SLC1A1: variants seen among roughly 807,000 people sequenced by gnomAD.
SLC1A1 encodes the protein solute carrier family 1 member 1.
In SLC1A1, 43 loss-of-function variants were observed where a neutral mutation model predicts 53.3. That is an observed-to-expected ratio of 0.81 (90% CI 0.63 to 1.04). The LOEUF is 1.04. SLC1A1 is among the 50% of genes least tolerant of loss of function. SLC1A1 has a pLI of 0.00. For synonymous variants in SLC1A1, 307 were observed against 243.2 expected, an observed-to-expected ratio of 1.26 and a Z score of -2.44; for missense variants, 748 against 664.9, an observed-to-expected ratio of 1.12 and a Z score of -1.37.
chr9:4,561,334 G>T (rs1818917413), intron 2 of SLC1A1, 115 bp from the exon 3 acceptor site: 3 of 768,522 alleles, frequency 3.9e-6, no homozygotes, highest in South Asian at 2.7e-5. Flanking sequence ...ATTGCCCATT[G>T]TCTGTAGATG....
intron 1 of SLC1A1, among the ~76,000 whole-genome samples, chr9:4,502,594 A>C (rs1820674434): frequency 6.6e-6 from 1 of 151,474 alleles, no homozygotes; most frequent in South Asian, 2.1e-4. Context: ...TTCCCATTTT[A>C]CCAGATGAGG....
At chr9:4,561,265 G>A (rs900718631) in intron 2 of SLC1A1, among the ~76,000 whole-genome samples, 184 bp from the exon 3 acceptor site, 16 of 152,138 alleles carry the variant, frequency 1.1e-4, no homozygotes, top group African/African-American at 3.9e-4. Flanking sequence ...ACCTGACTGG[G>A]CTTCCCTCTC....
chr9:4,530,305 T>A (rs1816419225), intron 1 of SLC1A1, among the ~76,000 whole-genome samples: 1 of 152,146 alleles, frequency 6.6e-6, no homozygotes, highest in Admixed American at 6.5e-5. Context: ...AACCCTCCAA[T>A]ATGGACCACT....
chr9:4,529,347 T>C (rs1394758980), intron 1 of SLC1A1, among the ~76,000 whole-genome samples: 2 of 152,210 alleles, frequency 1.3e-5, no homozygotes, highest in Admixed American at 1.3e-4. Context: ...GCTGTTTAAA[T>C]GTGCCAAGAT....
At chr9:4,515,272 C>G (rs1586702910) in intron 1 of SLC1A1, among the ~76,000 whole-genome samples, 1 of 152,246 alleles carries the variant, frequency 6.6e-6, no homozygotes, top group Non-Finnish European at 1.5e-5. Flanking sequence ...ATCACGAAGG[C>G]CAACCCAGCT....
At chr9:4,559,196 C>T (rs75238224) in intron 2 of SLC1A1, among the ~76,000 whole-genome samples, 244 of 152,258 alleles carry the variant, frequency 1.6e-3, no homozygotes, top group African/African-American at 5.3e-3. Context: ...AAAAGAAAGA[C>T]TCTTCAACAC....
intron 1 of SLC1A1, among the ~76,000 whole-genome samples, chr9:4,513,455 A>G (rs10739063): frequency 0.68 from 103,762 of 152,046 alleles, 35,743 homozygotes; most frequent in African/African-American, 0.77. Flanking sequence ...ATGAAAAAAT[A>G]TTCAGCATCG....
At chr9:4,520,361 A>G (rs1816024446) in intron 1 of SLC1A1, among the ~76,000 whole-genome samples, 1 of 152,162 alleles carries the variant, frequency 6.6e-6, no homozygotes. Flanking sequence ...CCATCAAATT[A>G]TCAACCAATC....
rs959281067 is a variant in SLC1A1 at position 4,583,670 on chromosome 9, T to C, written c.1328+498T>C. On this transcript the variant is annotated intron_variant, in intron 11 of 11. Transcript: ENST00000262352. The surrounding 1 kb of genome is among the most constrained non-coding windows in gnomAD (Gnocchi z 4.6). Reference sequence around the variant, plus strand: ...CAAGTTTCCTTAACCTGAGGCCCAGTTGCATAATCTGTGAGATGGGAAAAA... The same window carrying C: ...CAAGTTTCCTTAACCTGAGGCCCAGCTGCATAATCTGTGAGATGGGAAAAA... Among the ~76,000 whole-genome samples, 1 of 152,176 alleles carries C rather than the reference T, an allele frequency of 6.6e-6. No individual in the cohort carries two copies. Among genetic ancestry groups the C allele is most frequent in the African/African-American group, 2.4e-5 (1 of 41,444 alleles).
intron 1 of SLC1A1, among the ~76,000 whole-genome samples, chr9:4,512,083 A>T (rs62545871): frequency 6.6e-6 from 1 of 152,024 alleles, no homozygotes; most frequent in East Asian, 1.9e-4. Context: ...ATGGAGAGAC[A>T]TAAGTTGTTC....
intron 1 of SLC1A1, among the ~76,000 whole-genome samples, chr9:4,522,254 A>T (rs111374561): frequency 2.6e-5 from 4 of 151,640 alleles, no homozygotes; most frequent in East Asian, 1.9e-4. Context: ...GGTTTCACTG[A>T]GTTAGCCAGG....
chr9:4,500,124 G>A (rs1189583941), intron 1 of SLC1A1, among the ~76,000 whole-genome samples: 3 of 152,170 alleles, frequency 2.0e-5, no homozygotes, highest in African/African-American at 7.2e-5. Flanking sequence ...TGGTGCCAGG[G>A]AAGCTGTGTT....
At position 4,559,899 on chromosome 9, in the gene SLC1A1, T is replaced by C. The variant is rs551746026; in HGVS notation, c.233-1550T>C. On this transcript the variant is annotated intron_variant, in intron 2 of 11. Transcript: ENST00000262352. Reference sequence around the variant, plus strand: ...CCAAGTCCAATTGGAGAACGGCTTTTGACTCCGTTTATATGAGCATCTTTG... The same window carrying C: ...CCAAGTCCAATTGGAGAACGGCTTTCGACTCCGTTTATATGAGCATCTTTG... 2.0e-5 allele frequency: 3 copies of C among 152,322 alleles called. No individual in the cohort carries two copies. The South Asian group carries it at 6.2e-4, about 32-fold the overall frequency. The allele number at this position is 152,322 out of a possible 1,614,324, so 9.4% of individuals were successfully genotyped here.
Position 4,558,145 on chromosome 9 carries a change from T to C in SLC1A1, c.233-3304T>C, listed in dbSNP as rs80073859. Among the ~76,000 whole-genome samples, 134 of 152,296 alleles carry C rather than the reference T, an allele frequency of 8.8e-4. 2 individuals carry two copies. The East Asian group carries it at 0.023, about 26-fold the overall frequency. ...AGACAGATATTTTATGGTCATTAAG[T>C]TCTGTAATGTTCCTATTTATAGAGG... On this transcript the variant is annotated intron_variant, in intron 2 of 11. Transcript: ENST00000262352.
chr9:4,508,376 G>C (rs1294099681), intron 1 of SLC1A1, among the ~76,000 whole-genome samples: 1 of 152,138 alleles, frequency 6.6e-6, no homozygotes, highest in Admixed American at 6.5e-5. Context: ...GAGACTGATA[G>C]ATTCACCCAC....
At position 4,556,693 on chromosome 9, in the gene SLC1A1, G is replaced by C. The variant is rs540242849; in HGVS notation, c.233-4756G>C. ...TAATGCCTGGATTCTCATTCTCACA[G>C]TCAACATTCATTGCGCTAGACCACA... is the stretch of plus-strand genomic sequence containing the variant. On this transcript the variant is annotated intron_variant, in intron 2 of 11. Coordinates refer to ENST00000262352, the MANE Select transcript of SLC1A1 (RefSeq NM_004170.6). The surrounding 1 kb of genome is among the most constrained non-coding windows in gnomAD (Gnocchi z 4.1). Among the ~76,000 whole-genome samples the C allele has an allele frequency of 4.8e-4, 73 of 152,294 alleles. No homozygotes were observed. The Middle Eastern group carries it at 0.017, about 35-fold the overall frequency.
intron 1 of SLC1A1, among the ~76,000 whole-genome samples, chr9:4,505,018 T>A (rs997248676): frequency 2.7e-5 from 4 of 149,176 alleles, no homozygotes; most frequent in Non-Finnish European, 4.5e-5. Context: ...GTGTGTGCGA[T>A]GTGGGGGTGT....
At chr9:4,558,528 G>A (rs1439270731) in intron 2 of SLC1A1, among the ~76,000 whole-genome samples, 3 of 152,080 alleles carry the variant, frequency 2.0e-5, no homozygotes, top group Non-Finnish European at 2.9e-5. Context: ...GACTACTTGG[G>A]GATGTATTTG....
chr9:4,496,519 C>T (rs1011032191), intron 1 of SLC1A1, among the ~76,000 whole-genome samples: 1 of 151,954 alleles, frequency 6.6e-6, no homozygotes, highest in African/African-American at 2.4e-5. Context: ...TGCACTCAGC[C>T]TTGTTTTGTT....
Sources: gnomAD v4.1 joint callset for allele counts (sites outside exome capture counted in the v4.1 genomes callset) on GRCh38, gnomAD v4.1.1 for gene constraint, Gnocchi (gnomAD v3.1) non-coding constraint, MANE v1.5 for transcripts, NCBI Gene and HGNC (gene_info 2026-07-23, HGNC 2026-07-21) for gene names.